Variants in ADGRV1 observed in about 807,000 individuals in gnomAD.
ADGRV1 encodes the protein adhesion G protein-coupled receptor V1, also known as G-protein coupled receptor 98.
A neutral mutation model predicts 596.2 loss-of-function variants in ADGRV1; 359 were observed. The observed-to-expected ratio is 0.60, with a 90% CI of 0.55 to 0.66. ADGRV1 has a LOEUF of 0.66. ADGRV1 is among the 30% of genes least tolerant of loss of function. ADGRV1 has a pLI of 0.00. For synonymous variants in ADGRV1, 2,681 were observed against 2,679.2 expected (o/e 1.00, Z -0.02); for missense variants, 7,274 against 7,575.6 (o/e 0.96, Z 1.48).
chr5:90,690,030 G>A lies in ADGRV1; in HGVS notation c.6660G>A (p.Glu2220=). The change falls in exon 30 of 90, where the codon GAG becomes GAA. Residue 2220 remains glutamate, a synonymous_variant. Coordinates refer to ENST00000405460, the MANE Select transcript of ADGRV1 (RefSeq NM_032119.4). Reference sequence around the variant, plus strand: ...GAGCCAGACTAGGGGCTTTAACAGAGGCAGTCATTATTATTGAGGCCTCTG... The same window carrying A: ...GAGCCAGACTAGGGGCTTTAACAGAAGCAGTCATTATTATTGAGGCCTCTG... The part of the protein sequence containing the change: ...TGGARLGALT[E]AVIIIEASDD... 3 of 1,594,122 alleles carry A rather than the reference G, an allele frequency of 1.9e-6. No individual in the cohort carries two copies. Among genetic ancestry groups the A allele is most frequent in the Non-Finnish European group, 2.6e-6 (3 of 1,169,246 alleles).
Position 90,628,722 on chromosome 5 carries a change from A to C in ADGRV1, c.1399A>C (p.Ile467Leu). The C allele has an allele frequency of 1.2e-6, 2 of 1,614,034 alleles. No individual in the cohort carries two copies. The highest frequency in any genetic ancestry group is 1.7e-6 in the Non-Finnish European group (2 of 1,179,886). The change falls in exon 8 of 90, where the codon ATT becomes CTT. Residue 467 changes from isoleucine (I) to leucine (L), a missense_variant. Around this residue, in one of 5 missense-constraint regions of ADGRV1, gnomAD observed 1,715 missense variants for 1,708.8 expected, o/e 1.00. Coordinates refer to ENST00000405460, the MANE Select transcript of ADGRV1 (RefSeq NM_032119.4). ...HFAQGQMLATIPLTVVDDDLP... is the reference protein window; with the variant it reads ...HFAQGQMLATLPLTVVDDDLP... ...TGCACAAGGGCAGATGTTGGCAACAATTCCTCTTACTGTGGTTGATGATGA... is the reference window on the plus strand; with the variant it reads ...TGCACAAGGGCAGATGTTGGCAACACTTCCTCTTACTGTGGTTGATGATGA...
chr5:90,727,373 T>C (rs758305818), intron 48 of ADGRV1, among the ~76,000 whole-genome samples: 7 of 152,168 alleles, frequency 4.6e-5, no homozygotes, highest in Non-Finnish European at 8.8e-5. Context: ...TATGTGTCAA[T>C]AAGTGAAGAC....
At chr5:91,069,364 C>A (rs371268082) in intron 85 of ADGRV1, among the ~76,000 whole-genome samples, 7 of 152,192 alleles carry the variant, frequency 4.6e-5, no homozygotes, top group African/African-American at 1.7e-4. Flanking sequence ...ATACATCTGA[C>A]AAAGGTCTAA....
intron 21 of ADGRV1, among the ~76,000 whole-genome samples, chr5:90,667,072 A>T (rs963481107): frequency 2.6e-5 from 4 of 151,416 alleles, no homozygotes; most frequent in South Asian, 2.1e-4. Context: ...CTTTGGTGAA[A>T]CTGACAATTA....
At chr5:91,099,830 A>T (rs1047273846) in intron 86 of ADGRV1, among the ~76,000 whole-genome samples, 1 of 152,194 alleles carries the variant, frequency 6.6e-6, no homozygotes, top group Non-Finnish European at 1.5e-5. Flanking sequence ...AATGAATTTC[A>T]ATATATAGAG....
At position 90,788,061 on chromosome 5, in the gene ADGRV1, C is replaced by T; in HGVS notation, c.13654-10C>T. 1 of 1,576,386 alleles carries T rather than the reference C, an allele frequency of 6.3e-7. No individual in the cohort carries two copies. ...ATTAAAGAAATACCAAAACCAAAAA[C>T]ATCCCGCAGGTGAACTGGGAGACAG... is the stretch of plus-strand genomic sequence containing the variant. On this transcript the variant is annotated splice_polypyrimidine_tract_variant and intron_variant, in intron 67 of 89. Transcript: ENST00000405460.
At chr5:90,985,958 A>G (rs977220565) in intron 85 of ADGRV1, among the ~76,000 whole-genome samples, 4 of 152,028 alleles carry the variant, frequency 2.6e-5, no homozygotes, top group Non-Finnish European at 5.9e-5. Context: ...CTCACAGTGA[A>G]TGGAGAGTGT....
chr5:91,030,697 G>A (rs747532407), intron 85 of ADGRV1, among the ~76,000 whole-genome samples: 9 of 152,030 alleles, frequency 5.9e-5, no homozygotes, highest in Non-Finnish European at 1.2e-4. Flanking sequence ...TCACTATGTT[G>A]CACAGTAGAA....
At chr5:90,711,424 T>C in intron 41 of ADGRV1, 102 bp downstream of exon 41, 2 of 829,448 alleles carry the variant, frequency 2.4e-6, no homozygotes, top group South Asian at 3.3e-5. Context: ...TAAATTATTC[T>C]TAAAAACCAT....
At position 90,625,228 on chromosome 5, in the gene ADGRV1, A is replaced by G; in HGVS notation, c.657A>G (p.Thr219=). ...PGRATVIYNL[T]VLDDEVPEND... ...GAGCAACAGTAATTTATAACTTGAC[A>G]GTACTCGATGACGAGGTTGGCTAAT... Residue 219 remains threonine, a synonymous_variant, in exon 6 of 90, where the codon ACA becomes ACG. Coordinates refer to ENST00000405460, the MANE Select transcript of ADGRV1 (RefSeq NM_032119.4). 4 of 1,610,660 alleles carry G rather than the reference A, an allele frequency of 2.5e-6. No homozygotes were observed. The highest frequency in any genetic ancestry group is 1.1e-5 in the South Asian group (1 of 90,820).
At chr5:90,828,916 G>GTT in intron 76 of ADGRV1, 28 bp from the exon 77 acceptor site, 10 of 1,440,684 alleles carry the variant, frequency 6.9e-6, no homozygotes, top group South Asian at 2.9e-5. Flanking sequence ...AGTAATAGTT[G>GTT]TTTTTTTTTC....
intron 83 of ADGRV1, among the ~76,000 whole-genome samples, chr5:90,928,319 C>A (rs1009124571): frequency 2.6e-4 from 39 of 152,118 alleles, no homozygotes; most frequent in African/African-American, 9.4e-4. Flanking sequence ...TTCTTGGAGG[C>A]TTTGCTCGTT....
At chr5:90,727,626 T>C (rs1414141334) in intron 48 of ADGRV1, among the ~76,000 whole-genome samples, 2 of 152,332 alleles carry the variant, frequency 1.3e-5, no homozygotes, top group African/African-American at 2.4e-5. Flanking sequence ...TAACATAGGA[T>C]AGCTATATTT....
intron 87 of ADGRV1, among the ~76,000 whole-genome samples, chr5:91,130,142 A>G (rs916008472): frequency 6.6e-6 from 1 of 152,080 alleles, no homozygotes. Flanking sequence ...GAAAAATTAA[A>G]TAGGAAAAAA....
chr5:90,613,749 G>A (rs973702391), intron 1 of ADGRV1, among the ~76,000 whole-genome samples: 1 of 152,162 alleles, frequency 6.6e-6, no homozygotes, highest in Non-Finnish European at 1.5e-5. Flanking sequence ...TATACTTAAC[G>A]GAGAACATTG....
intron 85 of ADGRV1, among the ~76,000 whole-genome samples, chr5:91,041,649 AG>A (rs1785368971): frequency 6.7e-6 from 1 of 150,250 alleles, no homozygotes; most frequent in African/African-American, 2.5e-5. Context: ...AAAAAAAAAA[AG>A]AGAGAGAGAG....
intron 85 of ADGRV1, among the ~76,000 whole-genome samples, chr5:91,033,635 T>C (rs1029104210): frequency 6.6e-6 from 1 of 152,168 alleles, no homozygotes; most frequent in African/African-American, 2.4e-5. Flanking sequence ...CTCACAGGCA[T>C]TAAACTTTGC....
chr5:91,161,731 C>A (rs1430607143), intron 89 of ADGRV1, among the ~76,000 whole-genome samples: 1 of 152,000 alleles, frequency 6.6e-6, no homozygotes, highest in African/African-American at 2.4e-5. Context: ...TCATCAAAAC[C>A]TGGGCAGTGT....
Position 90,683,824 on chromosome 5 carries a change from C to T in ADGRV1, c.5903C>T (p.Thr1968Ile). 1.2e-6 allele frequency: 2 copies of T among 1,613,804 alleles called. No homozygotes were observed. Among genetic ancestry groups the T allele is most frequent in the Non-Finnish European group, 1.7e-6 (2 of 1,179,842 alleles). The change falls in exon 28 of 90, where the codon ACA becomes ATA. Residue 1968 changes from threonine (T) to isoleucine (I), a missense_variant. Transcript: ENST00000405460. ...GGAGCTCATATTAATGCCACGTTAA[C>T]AGTTTTGGCTAGTGATGATCCATAT... ...SLGAHINATLTVLASDDPYGI... is the reference protein window; with the variant it reads ...SLGAHINATLIVLASDDPYGI...
Sources: gnomAD v4.1 joint callset for allele counts (sites outside exome capture counted in the v4.1 genomes callset) on GRCh38, gnomAD v4.1.1 for gene constraint, gnomAD v4.1.1 regional missense constraint, MANE v1.5 for transcripts, NCBI Gene and HGNC (gene_info 2026-07-23, HGNC 2026-07-21) for gene names.